PACRG: variants seen among roughly 807,000 people sequenced by gnomAD.
PACRG encodes the protein parkin coregulated gene protein.
PACRG carries 29 observed loss-of-function variants against 29.7 expected under a neutral mutation model. That is an observed-to-expected ratio of 0.98 (90% CI 0.73 to 1.33). PACRG has a LOEUF of 1.33. Ranked by LOEUF, PACRG falls within the 40% of genes most tolerant of loss-of-function variation. The pLI is 0.00. For synonymous variants in PACRG, 116 were observed against 118.7 expected (o/e 0.98, Z 0.15); for missense variants, 279 against 316.2 (o/e 0.88, Z 0.89).
intron 1 of PACRG, among the ~76,000 whole-genome samples, chr6:162,735,656 AGTATT>A (rs1472939056): frequency 6.6e-6 from 1 of 152,122 alleles, no homozygotes; most frequent in Non-Finnish European, 1.5e-5. Flanking sequence ...GCACTTGTCT[AGTATT>A]GTATGTATTG....
At chr6:163,200,089 A>T (rs1046970039) in intron 4 of PACRG, among the ~76,000 whole-genome samples, 2 of 152,180 alleles carry the variant, frequency 1.3e-5, no homozygotes, top group Non-Finnish European at 2.9e-5. Flanking sequence ...GTGATCAGAG[A>T]TATAGTACTT....
At chr6:162,873,833 AAAT>A (rs1793032248) in intron 2 of PACRG, among the ~76,000 whole-genome samples, 1 of 152,220 alleles carries the variant, frequency 6.6e-6, no homozygotes, top group African/African-American at 2.4e-5. Flanking sequence ...CATGAAAAGA[AAAT>A]AAGATTAGCC....
chr6:163,311,390 A>G (rs1346358421), intron 4 of PACRG, among the ~76,000 whole-genome samples: 3 of 152,238 alleles, frequency 2.0e-5, no homozygotes, highest in Non-Finnish European at 4.4e-5. Flanking sequence ...CCTAATCAGA[A>G]TTGACAATTG....
chr6:162,956,277 A>C (rs1022366845), intron 2 of PACRG, among the ~76,000 whole-genome samples: 2 of 152,168 alleles, frequency 1.3e-5, no homozygotes, highest in African/African-American at 4.8e-5. Context: ...CAAGAGCCCC[A>C]AAAGGTGGAG....
At chr6:162,911,685 CA>C (rs1361794974) in intron 2 of PACRG, among the ~76,000 whole-genome samples, 1 of 152,082 alleles carries the variant, frequency 6.6e-6, no homozygotes, top group Non-Finnish European at 1.5e-5. Context: ...TTGTTACTGG[CA>C]AATTGCTCTC....
chr6:162,835,711 T>G (rs1325473303), intron 2 of PACRG, among the ~76,000 whole-genome samples: 1 of 152,128 alleles, frequency 6.6e-6, no homozygotes, highest in Non-Finnish European at 1.5e-5. Flanking sequence ...ACAAGTAGCA[T>G]GTGCTTTTTA....
At chr6:163,138,526 A>T (rs1817028490) in intron 4 of PACRG, among the ~76,000 whole-genome samples, 1 of 152,212 alleles carries the variant, frequency 6.6e-6, no homozygotes, top group Non-Finnish European at 1.5e-5. Flanking sequence ...ATCATTAAGC[A>T]TTAGATTCTC....
At chr6:163,269,937 AAGAAAGAAAGAAAGAAAGAAAGAAAG>A in intron 4 of PACRG, among the ~76,000 whole-genome samples, 2 of 23,060 alleles carry the variant, frequency 8.7e-5, no homozygotes, top group Non-Finnish European at 1.7e-4. Context: ...AAAACAAAGA[AAGAAAGAAAGAAAGAAAGAAAGAAAG>A]AAAGAAAGAA....
chr6:162,896,540 G>T (rs1475705267), intron 2 of PACRG, among the ~76,000 whole-genome samples: 2 of 152,160 alleles, frequency 1.3e-5, no homozygotes, highest in Non-Finnish European at 2.9e-5. Context: ...TAAAATCTTG[G>T]ATGTGTAAGA....
intron 2 of PACRG, among the ~76,000 whole-genome samples, chr6:162,966,461 G>A (rs914590446): frequency 1.3e-5 from 2 of 148,174 alleles, no homozygotes; most frequent in African/African-American, 5.0e-5. Flanking sequence ...AGATGTTAAT[G>A]GAGGGAATGA....
intron 4 of PACRG, among the ~76,000 whole-genome samples, chr6:163,241,305 A>AT (rs1376658589): frequency 6.6e-6 from 1 of 152,086 alleles, no homozygotes; most frequent in Non-Finnish European, 1.5e-5. Flanking sequence ...ACAAAATCTC[A>AT]TTTTTTTCTC....
Position 163,115,904 on chromosome 6 carries a change from C to T in PACRG, c.613+26496C>T, listed in dbSNP as rs934112347. Among the ~76,000 whole-genome samples, 11 of 152,272 alleles carry T rather than the reference C, an allele frequency of 7.2e-5. No individual in the cohort carries two copies. The East Asian group carries it at 1.2e-3, about 16-fold the overall frequency. Reference sequence around the variant, plus strand: ...CAGTGCAACCACGCCCTAACAGAAGCGAGCCACTTCAGCTGCTGCATCTAT... The same window carrying T: ...CAGTGCAACCACGCCCTAACAGAAGTGAGCCACTTCAGCTGCTGCATCTAT... On this transcript the variant is annotated intron_variant, in intron 4 of 4. Transcript: ENST00000366888.
At chr6:162,759,690 C>T (rs1044770041) in intron 1 of PACRG, among the ~76,000 whole-genome samples, 8 of 152,068 alleles carry the variant, frequency 5.3e-5, no homozygotes, top group African/African-American at 1.4e-4. Flanking sequence ...GGTGGTCGAT[C>T]TGCTAAGGAA....
chr6:162,881,439 T>G (rs773629295), intron 2 of PACRG, among the ~76,000 whole-genome samples: 16 of 151,986 alleles, frequency 1.1e-4, no homozygotes, highest in Non-Finnish European at 2.2e-4. Flanking sequence ...GAGAGATGAG[T>G]GTCAATGCTC....
chr6:163,191,800 G>A (rs1340666170), intron 4 of PACRG: 1 of 455,984 alleles, frequency 2.2e-6, no homozygotes. Flanking sequence ...TCCATTTCCA[G>A]CCACCTTTTT....
chr6:162,947,609 A>T (rs1216332744), intron 2 of PACRG, among the ~76,000 whole-genome samples: 9 of 32,620 alleles, frequency 2.8e-4, no homozygotes, highest in Non-Finnish European at 4.9e-4. Context: ...TATATATATA[A>T]TCATATATAT....
chr6:162,797,188 C>T (rs527965904), intron 1 of PACRG, among the ~76,000 whole-genome samples: 1 of 152,250 alleles, frequency 6.6e-6, no homozygotes, highest in East Asian at 1.9e-4. Flanking sequence ...GCAGGAGGAT[C>T]ACTTGAACCC....
At chr6:162,822,176 C>T (rs1319170370) in intron 2 of PACRG, among the ~76,000 whole-genome samples, 1 of 152,060 alleles carries the variant, frequency 6.6e-6, no homozygotes, top group African/African-American at 2.4e-5. Flanking sequence ...TTAATGACAA[C>T]GAAAAAGACA....
At chr6:163,044,704 G>A (rs1010246351) in intron 2 of PACRG, 1 of 152,160 alleles carries the variant, frequency 6.6e-6, no homozygotes, top group African/African-American at 2.4e-5. Flanking sequence ...CGAGTGTGCT[G>A]GCAAACCCTC....
Sources: allele counts gnomAD v4.1 joint callset (sites outside exome capture counted in the v4.1 genomes callset), GRCh38; gene constraint gnomAD v4.1.1; transcripts MANE v1.5; gene names NCBI Gene and HGNC (gene_info 2026-07-23, HGNC 2026-07-21).